Variants in ZC3H4 observed in about 807,000 individuals in gnomAD.
The protein encoded by ZC3H4 is zinc finger CCCH domain-containing protein 4.
ZC3H4 carries 13 observed loss-of-function variants against 108.3 expected under a neutral mutation model. The ratio of observed to expected loss-of-function variants is 0.12; its 90% CI spans 0.08 to 0.19. The LOEUF (loss-of-function observed/expected upper bound fraction) is 0.19, where lower values mean the gene tolerates loss of function less well. Among genes scored for constraint, ZC3H4 ranks in the 10% least tolerant of loss-of-function variants. ZC3H4 has a pLI of 1.00. For missense variants in ZC3H4, 1,734 were observed against 1,838.8 expected, an observed-to-expected ratio of 0.94 and a Z score of 1.04; for synonymous variants, 917 against 749.6, an observed-to-expected ratio of 1.22 and a Z score of -3.65.
intron 11 of ZC3H4, among the ~76,000 whole-genome samples, chr19:47,073,888 T>C (rs1425340631): frequency 6.6e-6 from 1 of 152,258 alleles, no homozygotes; most frequent in Non-Finnish European, 1.5e-5. Context: ...CTGTTTTTTA[T>C]GGCTGAATCA....
intron 6 of ZC3H4, among the ~76,000 whole-genome samples, 168 bp from the exon 7 acceptor site, chr19:47,085,582 A>T (rs1329333614): frequency 6.6e-6 from 1 of 152,118 alleles, no homozygotes; most frequent in Non-Finnish European, 1.5e-5. Context: ...TTCCCACTGC[A>T]GTCTTCACTG....
intron 14 of ZC3H4, among the ~76,000 whole-genome samples, chr19:47,068,271 G>C (rs1227370895): frequency 6.6e-6 from 1 of 152,178 alleles, no homozygotes. Flanking sequence ...GCCCACCTCC[G>C]GGCTGGTTCA....
At chr19:47,074,368 C>T (rs1454431799) in intron 11 of ZC3H4, among the ~76,000 whole-genome samples, 1 of 152,218 alleles carries the variant, frequency 6.6e-6, no homozygotes, top group Non-Finnish European at 1.5e-5. Flanking sequence ...TTCTTCCCTG[C>T]TATATCCCCA....
intron 9 of ZC3H4, among the ~76,000 whole-genome samples, chr19:47,083,113 T>A (rs896488895): frequency 5.2e-4 from 79 of 151,914 alleles, no homozygotes; most frequent in African/African-American, 1.7e-3. Context: ...GGCACGATCT[T>A]GACTCACTGC....
At chr19:47,098,436 A>G (rs1340571906) in intron 2 of ZC3H4, among the ~76,000 whole-genome samples, 1 of 151,362 alleles carries the variant, frequency 6.6e-6, no homozygotes, top group African/African-American at 2.4e-5. Flanking sequence ...GCAGTAAGCC[A>G]AGATTGTGCC....
In ZC3H4 at chr19:47,082,386, G is replaced by A. The variant is rs577036165; in HGVS notation, c.1219-91C>T. The A allele has an allele frequency of 9.5e-6, 9 of 945,336 alleles. No individual in the cohort carries two copies. In the South Asian group the frequency reaches 1.2e-4, roughly 13 times the overall value. 58.6% of individuals were successfully genotyped at this position (945,336 alleles called of 1,614,324 possible). On this transcript the variant is annotated intron_variant, in intron 9 of 14. Coordinates refer to ENST00000253048, the MANE Select transcript of ZC3H4 (RefSeq NM_015168.2). ...AAGGGAAGAAATACTGTCACTGCTG[G>A]TGCATGGAGGGGCCAATGACAGAAA...
intron 11 of ZC3H4, among the ~76,000 whole-genome samples, chr19:47,077,030 G>C (rs2057433777): frequency 6.6e-6 from 1 of 152,112 alleles, no homozygotes; most frequent in South Asian, 2.1e-4. Flanking sequence ...AGCTGGATGT[G>C]GTGGCGGGCC....
intron 2 of ZC3H4, chr19:47,111,102 T>C (rs2058033210): frequency 6.2e-6 from 1 of 162,224 alleles, no homozygotes. Flanking sequence ...GGAGTAGCCA[T>C]CTGTCCAGAG....
intron 2 of ZC3H4, among the ~76,000 whole-genome samples, chr19:47,109,336 T>C (rs1465447720): frequency 1.3e-5 from 2 of 152,252 alleles, no homozygotes; most frequent in African/African-American, 4.8e-5. Flanking sequence ...TCAAATTCAC[T>C]GAACATTGCT....
Position 47,088,494 on chromosome 19 carries a change from G to C in ZC3H4, c.715+1473C>G, listed in dbSNP as rs533110992. On this transcript the variant is annotated intron_variant, in intron 5 of 14. Coordinates refer to ENST00000253048, the MANE Select transcript of ZC3H4 (RefSeq NM_015168.2). ...CCTCTGGAGGCAGAGGTTGCAGTGA[G>C]CCGAGATCGCGCCATTGCACTCCAG... is the stretch of plus-strand genomic sequence containing the variant. Among the ~76,000 whole-genome samples the C allele has an allele frequency of 7.2e-5, 11 of 152,008 alleles. No homozygotes were observed. In the South Asian group the frequency reaches 1.5e-3, roughly 20 times the overall value.
Position 47,086,546 on chromosome 19 carries a change from G to T in ZC3H4, c.716-8C>A. The T allele has an allele frequency of 1.3e-6, 2 of 1,579,642 alleles. No homozygotes were observed. The highest frequency in any genetic ancestry group is 8.5e-7 in the Non-Finnish European group (1 of 1,171,222). On this transcript the variant is annotated splice_polypyrimidine_tract_variant and splice_region_variant and intron_variant, in intron 5 of 14. Coordinates refer to ENST00000253048, the MANE Select transcript of ZC3H4 (RefSeq NM_015168.2). ...GGCCCCGGCCTCGGCTGCCTGCATG[G>T]AGATTCAGATAGTGAGCCTCCAGCA... is the stretch of plus-strand genomic sequence containing the variant.
intron 4 of ZC3H4, 150 bp downstream of exon 4, chr19:47,093,820 C>A: frequency 1.8e-6 from 1 of 566,948 alleles, no homozygotes; most frequent in Non-Finnish European, 3.0e-6. Flanking sequence ...GTTTCAGTTT[C>A]CTCACTCATA....
In ZC3H4 at chr19:47,070,567, A is replaced by C. The variant is rs2057308590; in HGVS notation, c.2146+1211T>G. Among the ~76,000 whole-genome samples, 2 of 152,156 alleles carry C rather than the reference A, an allele frequency of 1.3e-5. 1 individual carries two copies. Among genetic ancestry groups the C allele is most frequent in the Admixed American group, 1.3e-4 (2 of 15,284 alleles). ...TGCACCTTTTAGACGCATTTGTTGA[A>C]GGGGGAGGAGCTGAGAACCCCAGCA... On this transcript the variant is annotated intron_variant, in intron 13 of 14. Transcript: ENST00000253048.
In ZC3H4 at chr19:47,090,183, G is replaced by T. The variant is rs1334557381; in HGVS notation, c.499C>A (p.Gln167Lys). 1 of 1,614,182 alleles carries T rather than the reference G, an allele frequency of 6.2e-7. No homozygotes were observed. Among genetic ancestry groups the T allele is most frequent in the Non-Finnish European group, 8.5e-7 (1 of 1,180,020 alleles). The change falls in exon 5 of 15, where the codon CAG becomes AAG. Residue 167 changes from glutamine (Q) to lysine (K), a missense_variant. Around this residue, in one of 9 missense-constraint regions of ZC3H4, gnomAD observed 403 missense variants for 457.0 expected, o/e 0.88. Transcript: ENST00000253048. ...EYSPPYAPSHQQYPPSHATPL... is the reference protein window; with the variant it reads ...EYSPPYAPSHKQYPPSHATPL... ...GTGGCATGCGATGGGGGGTACTGCT[G>T]GTGGGACTGCGTCCCAGAGATGGGG...
intron 9 of ZC3H4, among the ~76,000 whole-genome samples, chr19:47,083,930 T>A (rs922063863): frequency 2.0e-5 from 3 of 152,090 alleles, no homozygotes; most frequent in Non-Finnish European, 4.4e-5. Context: ...GACATTGAAC[T>A]CTGCTATGAA....
At chr19:47,110,200 A>G (rs906250514) in intron 2 of ZC3H4, among the ~76,000 whole-genome samples, 1 of 152,074 alleles carries the variant, frequency 6.6e-6, no homozygotes, top group African/African-American at 2.4e-5. Context: ...TACTTGAACC[A>G]ATCTTTTTTG....
rs1432075995 is a variant in ZC3H4 at position 47,072,161 on chromosome 19, G to A, written c.1803-40C>T. The A allele has an allele frequency of 6.8e-7, 1 of 1,480,776 alleles. No individual in the cohort carries two copies. Among genetic ancestry groups the A allele is most frequent in the Admixed American group, 2.5e-5 (1 of 39,586 alleles). 91.7% of individuals were successfully genotyped at this position (1,480,776 alleles called of 1,614,324 possible). On this transcript the variant is annotated intron_variant, in intron 12 of 14. Transcript: ENST00000253048. The surrounding 1 kb of genome is among the most constrained non-coding windows in gnomAD (Gnocchi z 5.6). ...AGGTGCCTGTGACGGAAGCTGCCGAGGAGGGCAGTGGCCACACCCCAGAGG... is the reference window on the plus strand; with the variant it reads ...AGGTGCCTGTGACGGAAGCTGCCGAAGAGGGCAGTGGCCACACCCCAGAGG...
rs200834805 is a variant in ZC3H4 at position 47,090,233 on chromosome 19, G to A, written c.493-44C>T. 1.1e-4 allele frequency: 183 copies of A among 1,607,100 alleles called. No individual in the cohort carries two copies. The African/African-American group carries it at 2.4e-3, about 21-fold the overall frequency. ...GAAAAGAGGTGAGCCGGATCCCACA[G>A]CCGTGGGTGCAGACTACCAAGATAC... is the stretch of plus-strand genomic sequence containing the variant. On this transcript the variant is annotated intron_variant, in intron 4 of 14. Transcript: ENST00000253048.
chr19:47,094,429 T>C lies in ZC3H4; in HGVS notation c.341A>G (p.Glu114Gly). The C allele has an allele frequency of 1.2e-6, 2 of 1,614,186 alleles. No homozygotes were observed. Among genetic ancestry groups the C allele is most frequent in the South Asian group, 1.1e-5 (1 of 91,084 alleles). Residue 114 changes from glutamate to glycine, a missense_variant, in exon 3 of 15, where the codon GAG (glutamate) becomes GGG (glycine). Glu to Gly is a moderately conservative substitution (Grantham distance 98). This residue lies in a region of ZC3H4 where 403 missense variants were observed against 457.0 expected (regional missense o/e 0.88). Coordinates refer to ENST00000253048, the MANE Select transcript of ZC3H4 (RefSeq NM_015168.2). ...KRKRKKEREK[E>G]KRRSKKRRKS... ...CCTCCTCTTCTTCGACCTCCTTTTCTCTTTCTCCCGCTCTTTCTTCCGTTT... is the reference window on the plus strand; with the variant it reads ...CCTCCTCTTCTTCGACCTCCTTTTCCCTTTCTCCCGCTCTTTCTTCCGTTT...
Sources: allele counts gnomAD v4.1 joint callset (sites outside exome capture counted in the v4.1 genomes callset), GRCh38; gene constraint gnomAD v4.1.1; regional missense constraint gnomAD v4.1.1; non-coding constraint Gnocchi (gnomAD v3.1); transcripts MANE v1.5; gene names NCBI Gene and HGNC (gene_info 2026-07-23, HGNC 2026-07-21).